Variants in PTPRD observed in about 807,000 individuals in gnomAD.
PTPRD encodes the protein protein tyrosine phosphatase receptor type D.
Under a neutral mutation model 214.5 loss-of-function variants are expected in PTPRD, and 34 were observed. That is an observed-to-expected ratio of 0.16 (90% confidence interval 0.12 to 0.21). PTPRD has a LOEUF of 0.21. PTPRD is among the 10% of genes least tolerant of loss of function. PTPRD has a pLI of 1.00. For missense variants in PTPRD, 2,545 were observed against 2,398.7 expected (o/e 1.06, Z -1.27); for synonymous variants, 1,128 against 845.7 (o/e 1.33, Z -5.79).
chr9:9,357,952 A>T (rs2054487351), intron 9 of PTPRD, among the ~76,000 whole-genome samples: 1 of 151,232 alleles, frequency 6.6e-6, no homozygotes. Context: ...TAGAATTTGC[A>T]CTTTCCAAAG....
intron 11 of PTPRD, among the ~76,000 whole-genome samples, chr9:8,895,085 G>C (rs2098597507): frequency 1.3e-5 from 2 of 152,142 alleles, no homozygotes; most frequent in Admixed American, 1.3e-4. Flanking sequence ...TTTAAGTCTT[G>C]TGCAGTACTC....
intron 14 of PTPRD, among the ~76,000 whole-genome samples, chr9:8,532,100 A>G (rs767832089): frequency 1.1e-4 from 17 of 152,128 alleles, no homozygotes; most frequent in Non-Finnish European, 2.5e-4. Flanking sequence ...AATTCTATCC[A>G]TCCCCCTTTG....
rs535221723 is a variant in PTPRD at position 9,304,848 on chromosome 9, T to A, written c.-203+92601A>T. Reference sequence around the variant, plus strand: ...AATCTCCACCCTCCAACGTTCTTGGTGTCCTTGCATCCAAGGCCCTTCTCA... The same window carrying A: ...AATCTCCACCCTCCAACGTTCTTGGAGTCCTTGCATCCAAGGCCCTTCTCA... On this transcript the variant is annotated intron_variant, in intron 9 of 45. Coordinates refer to ENST00000381196, the MANE Select transcript of PTPRD (RefSeq NM_002839.4). 6.0e-5 allele frequency among the ~76,000 whole-genome samples: 9 copies of A among 150,966 alleles called. No individual in the cohort carries two copies. In the South Asian group the frequency reaches 1.9e-3, roughly 32 times the overall value.
At chr9:10,186,915 AC>A (rs2099334642) in intron 3 of PTPRD, among the ~76,000 whole-genome samples, 2 of 152,108 alleles carry the variant, frequency 1.3e-5, no homozygotes, top group South Asian at 2.1e-4. Context: ...ATATTTAGAA[AC>A]CCCCATGATT....
intron 5 of PTPRD, among the ~76,000 whole-genome samples, chr9:9,930,889 C>A (rs1055543746): frequency 6.6e-6 from 1 of 151,950 alleles, no homozygotes; most frequent in African/African-American, 2.4e-5. Flanking sequence ...AAATTTCTTT[C>A]CTTTTAAAGG....
chr9:10,575,128 A>C (rs1440271745), intron 2 of PTPRD, among the ~76,000 whole-genome samples: 2 of 152,004 alleles, frequency 1.3e-5, no homozygotes, highest in Non-Finnish European at 2.9e-5. Flanking sequence ...TTTCACTTGA[A>C]AACATAAAAT....
chr9:10,060,972 TTCTG>T (rs1422474810), intron 3 of PTPRD, among the ~76,000 whole-genome samples: 1 of 147,204 alleles, frequency 6.8e-6, no homozygotes, highest in Non-Finnish European at 1.5e-5. Context: ...CTTTCTTCCT[TTCTG>T]TCTTCTTGCT....
intron 12 of PTPRD, among the ~76,000 whole-genome samples, chr9:8,702,819 G>C (rs990942374): frequency 6.6e-6 from 1 of 152,162 alleles, no homozygotes; most frequent in African/African-American, 2.4e-5. Context: ...ATGTTGGCCA[G>C]GCCAGTCTCA....
At chr9:9,229,548 A>T (rs546825819) in intron 9 of PTPRD, among the ~76,000 whole-genome samples, 184 of 152,264 alleles carry the variant, frequency 1.2e-3, no homozygotes, top group African/African-American at 4.2e-3. Flanking sequence ...CTGTACAAAA[A>T]TGTTGAGAGA....
intron 12 of PTPRD, among the ~76,000 whole-genome samples, chr9:8,674,150 T>C (rs979561786): frequency 1.3e-5 from 2 of 152,136 alleles, no homozygotes; most frequent in African/African-American, 2.4e-5. Context: ...TCCAAAATTA[T>C]TTTGAATGTG....
intron 35 of PTPRD, among the ~76,000 whole-genome samples, chr9:8,408,719 G>A (rs1456422645): frequency 2.6e-5 from 4 of 151,998 alleles, no homozygotes; most frequent in African/African-American, 7.2e-5. Flanking sequence ...CCAAGATGCC[G>A]CACCATTTTA....
At chr9:8,882,008 A>C (rs1008437340) in intron 11 of PTPRD, among the ~76,000 whole-genome samples, 6 of 152,178 alleles carry the variant, frequency 3.9e-5, no homozygotes, top group African/African-American at 1.4e-4. Flanking sequence ...GGCTGGTAGA[A>C]AAATAAGTGG....
At chr9:9,066,545 C>T (rs1178784689) in intron 10 of PTPRD, among the ~76,000 whole-genome samples, 1 of 127,926 alleles carries the variant, frequency 7.8e-6, no homozygotes, top group Non-Finnish European at 1.8e-5. Flanking sequence ...CTCATATGAC[C>T]AACAACAACA....
chr9:8,413,019 AAC>A (rs2093646095), intron 35 of PTPRD, among the ~76,000 whole-genome samples: 2 of 152,192 alleles, frequency 1.3e-5, no homozygotes, highest in African/African-American at 4.8e-5. Flanking sequence ...TCATTTAAGA[AAC>A]ACTATAAGGA....
chr9:9,599,580 A>G (rs973105523), intron 7 of PTPRD, among the ~76,000 whole-genome samples: 2 of 152,066 alleles, frequency 1.3e-5, no homozygotes, highest in East Asian at 3.9e-4. Context: ...CTTTGTTTTC[A>G]TATATTTATC....
intron 9 of PTPRD, among the ~76,000 whole-genome samples, chr9:9,325,728 T>C (rs1178745609): frequency 6.6e-6 from 1 of 152,294 alleles, no homozygotes; most frequent in Admixed American, 6.5e-5. Flanking sequence ...TCCAACACTA[T>C]GTTGAATAGG....
rs924236548 is a variant in PTPRD, at chr9:9,996,432, G to A, written c.-472+37286C>T. ...AAGAAAACAAAACACTGGCAAATGA[G>A]ATGTCCATAGAGAGCTCTGAGAGAA... On this transcript the variant is annotated intron_variant, in intron 4 of 45. Coordinates refer to ENST00000381196, the MANE Select transcript of PTPRD (RefSeq NM_002839.4). 2.0e-5 allele frequency among the ~76,000 whole-genome samples: 3 copies of A among 152,180 alleles called. No individual in the cohort carries two copies. The South Asian group carries it at 6.2e-4, about 32-fold the overall frequency.
chr9:10,183,592 C>T (rs1364179321), intron 3 of PTPRD, among the ~76,000 whole-genome samples: 1 of 152,032 alleles, frequency 6.6e-6, no homozygotes, highest in Non-Finnish European at 1.5e-5. Context: ...TATTTAATTT[C>T]TTTCTTTTTT....
At chr9:9,091,415 C>A (rs1000258880) in intron 10 of PTPRD, among the ~76,000 whole-genome samples, 1 of 152,144 alleles carries the variant, frequency 6.6e-6, no homozygotes, top group South Asian at 2.1e-4. Context: ...AAGTTTTATT[C>A]CTTTAAAAAA....
Sources: allele counts gnomAD v4.1 joint callset (sites outside exome capture counted in the v4.1 genomes callset), GRCh38; gene constraint gnomAD v4.1.1; transcripts MANE v1.5; gene names NCBI Gene and HGNC (gene_info 2026-07-23, HGNC 2026-07-21).